Variants in SYNPR observed in about 807,000 individuals in gnomAD.
The protein encoded by SYNPR is synaptoporin.
A neutral mutation model predicts 32.9 loss-of-function variants in SYNPR; 23 were observed. The observed-to-expected ratio is 0.70, with a 90% CI of 0.50 to 0.99. The LOEUF (loss-of-function observed/expected upper bound fraction) is 0.99, where lower values mean the gene tolerates loss of function less well. SYNPR is among the 50% of genes least tolerant of loss of function. SYNPR has a pLI of 0.00. For missense variants in SYNPR, 318 were observed against 349.3 expected (o/e 0.91, Z 0.71); for synonymous variants, 146 against 135.9 (o/e 1.07, Z -0.52).
chr3:63,490,303 G>T (rs1054032198), intron 3 of SYNPR, among the ~76,000 whole-genome samples: 1 of 152,108 alleles, frequency 6.6e-6, no homozygotes, highest in African/African-American at 2.4e-5. Context: ...AGCTGAAAAA[G>T]GAGGCAGAGG....
chr3:63,256,090 G>A (rs574064143), intron 2 of SYNPR, among the ~76,000 whole-genome samples: 32 of 152,254 alleles, frequency 2.1e-4, no homozygotes, highest in African/African-American at 7.5e-4. Flanking sequence ...ACTGGGTGGA[G>A]CCCACCGCAG....
chr3:63,260,782 G>A (rs1054472939), intron 2 of SYNPR, among the ~76,000 whole-genome samples: 1 of 151,522 alleles, frequency 6.6e-6, no homozygotes, highest in Non-Finnish European at 1.5e-5. Context: ...GAGTGAACAG[G>A]CAACCTACAG....
chr3:63,347,466 G>A (rs889323684), intron 2 of SYNPR, among the ~76,000 whole-genome samples: 4 of 152,048 alleles, frequency 2.6e-5, no homozygotes, highest in Admixed American at 6.6e-5. Context: ...CTAAATATAT[G>A]CCAATCTTTG....
At chr3:63,228,932 A>AAAACAAAC (rs61065374) in intron 1 of SYNPR, among the ~76,000 whole-genome samples, 1 of 151,764 alleles carries the variant, frequency 6.6e-6, no homozygotes, top group African/African-American at 2.4e-5. Flanking sequence ...GCGCTTCTCC[A>AAAACAAAC]AAACAAACAA....
intron 2 of SYNPR, among the ~76,000 whole-genome samples, chr3:63,456,026 C>G (rs963000585): frequency 7.2e-5 from 11 of 152,022 alleles, no homozygotes; most frequent in Admixed American, 4.6e-4. Context: ...CAAGGGGTAG[C>G]AAGTCACATC....
intron 2 of SYNPR, among the ~76,000 whole-genome samples, chr3:63,359,116 G>C (rs562740568): frequency 1.1e-4 from 16 of 152,132 alleles, no homozygotes; most frequent in African/African-American, 3.9e-4. Context: ...AACTTCTACT[G>C]AGTACCAGAA....
chr3:63,364,182 G>T (rs2087701568), intron 2 of SYNPR, among the ~76,000 whole-genome samples: 1 of 152,112 alleles, frequency 6.6e-6, no homozygotes, highest in African/African-American at 2.4e-5. Context: ...AAATATTGAA[G>T]CTTCATAAAG....
intron 2 of SYNPR, among the ~76,000 whole-genome samples, chr3:63,355,594 C>G (rs1358871819): frequency 6.6e-6 from 1 of 152,176 alleles, no homozygotes; most frequent in Non-Finnish European, 1.5e-5. Flanking sequence ...TTTCAGAAAT[C>G]TTAAAGGTTC....
At chr3:63,577,174 A>G (rs1703000173) in intron 4 of SYNPR, among the ~76,000 whole-genome samples, 2 of 152,234 alleles carry the variant, frequency 1.3e-5, no homozygotes, top group African/African-American at 4.8e-5. Context: ...ACTGTGAACC[A>G]GGGAGCAGCA....
intron 3 of SYNPR, among the ~76,000 whole-genome samples, chr3:63,532,762 C>T (rs754722139): frequency 4.6e-5 from 7 of 152,210 alleles, no homozygotes; most frequent in African/African-American, 1.7e-4. Flanking sequence ...TAGGCACAGA[C>T]GTGCAAGGTT....
chr3:63,375,207 A>C (rs1470776258), intron 2 of SYNPR, among the ~76,000 whole-genome samples: 1 of 152,144 alleles, frequency 6.6e-6, no homozygotes, highest in Admixed American at 6.6e-5. Context: ...TTGACCCAGC[A>C]ATCCCATTAC....
intron 2 of SYNPR, among the ~76,000 whole-genome samples, chr3:63,344,398 A>G (rs1257434544): frequency 4.6e-5 from 7 of 152,180 alleles, no homozygotes; most frequent in African/African-American, 1.4e-4. Flanking sequence ...TAATTTTAAT[A>G]TAAAGGTCCA....
At chr3:63,201,088 C>A in the SYNPR span, among the ~76,000 whole-genome samples, 13 of 152,104 alleles carry the variant, frequency 8.5e-5, no homozygotes, top group African/African-American at 3.1e-4. Flanking sequence ...CCAAAATTAT[C>A]CTTTAAACTT....
intron 3 of SYNPR, among the ~76,000 whole-genome samples, chr3:63,268,115 T>C (rs767650227): frequency 2.0e-4 from 30 of 152,224 alleles, no homozygotes; most frequent in Non-Finnish European, 3.5e-4. Flanking sequence ...CTTATGATTC[T>C]GTGTGCCAAG....
intron 2 of SYNPR, among the ~76,000 whole-genome samples, chr3:63,263,898 G>A (rs937435804): frequency 3.3e-5 from 5 of 152,198 alleles, no homozygotes; most frequent in African/African-American, 1.2e-4. Flanking sequence ...TGCACTTCCT[G>A]ATGGGAAGTG....
rs554165822 is a variant in SYNPR at position 63,430,291 on chromosome 3, A to C, written c.85-50541A>C. ...TTTTTCAAAGCATTAACACGTCTTT[A>C]CATTTTATTTTAGGGTATCAGTGAG... On this transcript the variant is annotated intron_variant, in intron 2 of 5. Coordinates refer to ENST00000478300, the MANE Select transcript of SYNPR (RefSeq NM_001130003.2). Among the ~76,000 whole-genome samples the C allele has an allele frequency of 2.6e-5, 4 of 152,242 alleles. No individual in the cohort carries two copies. In the East Asian group the frequency reaches 5.8e-4, roughly 22 times the overall value.
chr3:63,315,941 A>C (rs544050484), intron 2 of SYNPR, among the ~76,000 whole-genome samples: 19 of 152,118 alleles, frequency 1.2e-4, no homozygotes, highest in African/African-American at 4.3e-4. Flanking sequence ...AAGAGTTTTA[A>C]TTATAAAGTG....
At chr3:63,281,606 C>T (rs1245881492) in intron 2 of SYNPR, among the ~76,000 whole-genome samples, 2 of 152,094 alleles carry the variant, frequency 1.3e-5, no homozygotes, top group Non-Finnish European at 2.9e-5. Flanking sequence ...ACTCTGATCT[C>T]GTCTGTCCCT....
At chr3:63,486,455 A>T (rs1701152617) in intron 3 of SYNPR, among the ~76,000 whole-genome samples, 2 of 152,204 alleles carry the variant, frequency 1.3e-5, no homozygotes, top group South Asian at 4.1e-4. Flanking sequence ...AAACCGGAAC[A>T]TTAACACACC....
Sources: allele counts gnomAD v4.1 joint callset (sites outside exome capture counted in the v4.1 genomes callset), GRCh38; gene constraint gnomAD v4.1.1; transcripts MANE v1.5; gene names NCBI Gene and HGNC (gene_info 2026-07-23, HGNC 2026-07-21).